DOCK3: variants seen among roughly 807,000 people sequenced by gnomAD.
The protein encoded by DOCK3 is dedicator of cytokinesis protein 3.
DOCK3 carries 60 observed loss-of-function variants against 265.6 expected under a neutral mutation model. The observed-to-expected ratio is 0.23, with a 90% CI of 0.18 to 0.28. The LOEUF is 0.28. DOCK3 is among the 10% of genes least tolerant of loss of function. DOCK3 has a pLI of 1.00. For synonymous variants in DOCK3, 881 were observed against 938.0 expected (o/e 0.94, Z 1.11); for missense variants, 1,981 against 2,594.3 (o/e 0.76, Z 5.14).
intron 4 of DOCK3, among the ~76,000 whole-genome samples, chr3:50,926,337 G>A: frequency 6.6e-6 from 1 of 152,148 alleles, no homozygotes; most frequent in East Asian, 1.9e-4. Context: ...TCTTGCTTTT[G>A]AGCATACAGG....
intron 9 of DOCK3, among the ~76,000 whole-genome samples, chr3:51,091,449 C>T (rs183547617): frequency 8.5e-5 from 13 of 152,062 alleles, no homozygotes; most frequent in Admixed American, 7.9e-4. Flanking sequence ...TTTGGGAGGC[C>T]GAGGAGGGCG....
chr3:51,252,801 T>C (rs1451280091), intron 22 of DOCK3, among the ~76,000 whole-genome samples: 1 of 152,250 alleles, frequency 6.6e-6, no homozygotes, highest in Non-Finnish European at 1.5e-5. Flanking sequence ...AATCATGTCG[T>C]CTGCAAACAG....
chr3:50,924,930 C>T (rs896528223), intron 4 of DOCK3, among the ~76,000 whole-genome samples: 1 of 152,168 alleles, frequency 6.6e-6, no homozygotes, highest in Non-Finnish European at 1.5e-5. Context: ...GTGATGTAGT[C>T]TCACAGCATG....
At chr3:50,982,534 G>C (rs2077731854) in intron 5 of DOCK3, among the ~76,000 whole-genome samples, 1 of 152,184 alleles carries the variant, frequency 6.6e-6, no homozygotes, top group South Asian at 2.1e-4. Context: ...GCAGCCGACT[G>C]CATCAGCCCT....
At chr3:50,901,612 G>A (rs1262728928) in intron 4 of DOCK3, 2 of 452,890 alleles carry the variant, frequency 4.4e-6, no homozygotes, top group African/African-American at 4.0e-5. Context: ...AGGCACCCGA[G>A]GGAATCTCCT....
At chr3:51,316,918 T>A (rs2083400429) in intron 32 of DOCK3, among the ~76,000 whole-genome samples, 1 of 152,200 alleles carries the variant, frequency 6.6e-6, no homozygotes, top group African/African-American at 2.4e-5. Flanking sequence ...TCTTTTCATT[T>A]ACTAAACAAT....
intron 14 of DOCK3, among the ~76,000 whole-genome samples, chr3:51,221,240 A>G (rs980046991): frequency 6.6e-6 from 1 of 152,240 alleles, no homozygotes; most frequent in Non-Finnish European, 1.5e-5. Context: ...CCCCAGGTTC[A>G]TTACCTTGCT....
At chr3:51,008,752 G>T (rs577283645) in intron 5 of DOCK3, among the ~76,000 whole-genome samples, 2 of 152,264 alleles carry the variant, frequency 1.3e-5, no homozygotes, top group East Asian at 3.9e-4. Flanking sequence ...TTGGCTGTGG[G>T]TTTGTCATAA....
intron 12 of DOCK3, among the ~76,000 whole-genome samples, chr3:51,189,461 A>G (rs2087809446): frequency 1.3e-5 from 2 of 152,044 alleles, no homozygotes. Flanking sequence ...ATCACTCCTT[A>G]TGCCTTTGCT....
At chr3:51,191,651 G>T (rs1180760250) in intron 12 of DOCK3, among the ~76,000 whole-genome samples, 3 of 151,908 alleles carry the variant, frequency 2.0e-5, no homozygotes, top group African/African-American at 4.8e-5. Context: ...TCTTTTAAAG[G>T]GTCTGTGGTT....
rs527663536 is a variant in DOCK3 at position 50,745,368 on chromosome 3, G to A, written c.38-33307G>A. Among the ~76,000 whole-genome samples, 9 of 152,240 alleles carry A rather than the reference G, an allele frequency of 5.9e-5. No individual in the cohort carries two copies. The South Asian group carries it at 1.9e-3, about 32-fold the overall frequency. On this transcript the variant is annotated intron_variant, in intron 1 of 52. Transcript: ENST00000266037. ...TGCCTTTCAGATTTTGATAGGGGTT[G>A]CATTGAATCTGTAAATTGCTTTGGG...
intron 3 of DOCK3, among the ~76,000 whole-genome samples, chr3:50,885,999 G>A (rs2048311299): frequency 6.6e-6 from 1 of 151,906 alleles, no homozygotes; most frequent in African/African-American, 2.4e-5. Context: ...GCAAGTTTTT[G>A]TTGGAGTTTC....
chr3:51,047,775 G>A (rs957614911), intron 5 of DOCK3, among the ~76,000 whole-genome samples: 2 of 152,020 alleles, frequency 1.3e-5, no homozygotes, highest in South Asian at 2.1e-4. Context: ...AGGAAATCCC[G>A]GGACCAGATG....
intron 12 of DOCK3, among the ~76,000 whole-genome samples, chr3:51,172,572 C>T (rs1255565891): frequency 6.6e-6 from 1 of 152,166 alleles, no homozygotes; most frequent in East Asian, 1.9e-4. Context: ...TTCAGTTACT[C>T]TGTCTTTAGA....
chr3:51,250,933 A>G (rs968927002), intron 22 of DOCK3, among the ~76,000 whole-genome samples: 2 of 152,200 alleles, frequency 1.3e-5, no homozygotes, highest in Non-Finnish European at 2.9e-5. Flanking sequence ...GGTTTGTTAC[A>G]TATGTATCTA....
intron 49 of DOCK3, among the ~76,000 whole-genome samples, chr3:51,366,553 C>T (rs906271794): frequency 3.3e-5 from 5 of 152,086 alleles, no homozygotes; most frequent in African/African-American, 9.7e-5. Context: ...TTTGCTCTTG[C>T]TTCTCTAGTT....
intron 18 of DOCK3, 42 bp from the exon 19 acceptor site, chr3:51,229,470 C>G: frequency 7.1e-7 from 1 of 1,407,568 alleles, no homozygotes; most frequent in South Asian, 1.4e-5. Flanking sequence ...AAAAGAATAT[C>G]CAGGTTTCAA....
At chr3:51,041,000 A>G (rs2080458048) in intron 5 of DOCK3, among the ~76,000 whole-genome samples, 1 of 151,544 alleles carries the variant, frequency 6.6e-6, no homozygotes, top group African/African-American at 2.4e-5. Flanking sequence ...TGGCATCAAC[A>G]TCTAAATTTC....
At chr3:51,118,778 A>G (rs1576143777) in intron 9 of DOCK3, among the ~76,000 whole-genome samples, 1 of 151,226 alleles carries the variant, frequency 6.6e-6, no homozygotes, top group Non-Finnish European at 1.5e-5. Flanking sequence ...CTGTTTTATC[A>G]GAGACTAGGA....
Sources: gnomAD v4.1 joint callset for allele counts (sites outside exome capture counted in the v4.1 genomes callset) on GRCh38, gnomAD v4.1.1 for gene constraint, MANE v1.5 for transcripts, NCBI Gene and HGNC (gene_info 2026-07-23, HGNC 2026-07-21) for gene names.